Variants in WDPCP observed in about 807,000 individuals in gnomAD.
WDPCP encodes WD repeat-containing and planar cell polarity effector protein fritz homolog.
Under a neutral mutation model 93.1 loss-of-function variants are expected in WDPCP, and 71 were observed. The ratio of observed to expected loss-of-function variants is 0.76; its 90% CI spans 0.63 to 0.93. The LOEUF (loss-of-function observed/expected upper bound fraction) is 0.93. WDPCP is among the 40% of genes least tolerant of loss of function. The pLI, the probability that WDPCP is intolerant of heterozygous loss-of-function variation, is 0.00. For missense variants in WDPCP, 844 were observed against 887.4 expected (o/e 0.95, Z 0.62); for synonymous variants, 315 against 315.0 (o/e 1.00, Z 0.00).
intron 13 of WDPCP, among the ~76,000 whole-genome samples, chr2:63,304,120 GCAATCCCACAACT>G (rs1487972622): frequency 2.0e-5 from 3 of 152,110 alleles, no homozygotes; most frequent in African/African-American, 7.2e-5. Flanking sequence ...ATTCAACCCA[GCAATCCCACAACT>G]GGGCATCTAC....
intron 17 of WDPCP, among the ~76,000 whole-genome samples, chr2:63,140,471 G>A (rs187788387): frequency 2.6e-5 from 4 of 151,888 alleles, no homozygotes; most frequent in African/African-American, 7.2e-5. Flanking sequence ...GTTTGTTTGC[G>A]TCATCTATGA....
intron 12 of WDPCP, among the ~76,000 whole-genome samples, chr2:63,359,409 T>C (rs1289427969): frequency 6.6e-6 from 1 of 152,166 alleles, no homozygotes; most frequent in Non-Finnish European, 1.5e-5. Context: ...CATAAGTACA[T>C]GAAAAGATGT....
chr2:63,743,439 T>G (rs921483238), intron 2 of WDPCP, among the ~76,000 whole-genome samples: 1 of 152,152 alleles, frequency 6.6e-6, no homozygotes, highest in Non-Finnish European at 1.5e-5. Context: ...GAATAGCTTG[T>G]GACATTATCT....
intron 2 of WDPCP, among the ~76,000 whole-genome samples, chr2:63,747,811 A>G (rs1205252170): frequency 1.3e-5 from 2 of 152,124 alleles, no homozygotes; most frequent in African/African-American, 4.8e-5. Context: ...CTTTTTAAAC[A>G]AAATCTATCA....
intron 13 of WDPCP, among the ~76,000 whole-genome samples, chr2:63,276,388 G>C (rs1047562017): frequency 1.3e-5 from 2 of 152,130 alleles, no homozygotes; most frequent in Non-Finnish European, 2.9e-5. Flanking sequence ...AATCTGAATT[G>C]CCAGAAAAAG....
chr2:63,539,004 T>C (rs980249960), intron 1 of WDPCP, among the ~76,000 whole-genome samples: 7 of 152,320 alleles, frequency 4.6e-5, no homozygotes, highest in South Asian at 4.1e-4. Context: ...TCTCAGACTT[T>C]TCTCAATTTT....
chr2:63,741,175 T>C (rs1272697842), intron 2 of WDPCP, among the ~76,000 whole-genome samples: 1 of 152,192 alleles, frequency 6.6e-6, no homozygotes, highest in Non-Finnish European at 1.5e-5. Context: ...ATTTCTGATA[T>C]TGTGCAATGT....
intron 13 of WDPCP, among the ~76,000 whole-genome samples, chr2:63,309,889 C>T (rs1183314756): frequency 6.6e-6 from 1 of 152,082 alleles, no homozygotes; most frequent in African/African-American, 2.4e-5. Flanking sequence ...TAGAAAATTT[C>T]CCTTAGAGAC....
chr2:63,333,774 C>T (rs1239070704), intron 12 of WDPCP, among the ~76,000 whole-genome samples: 8 of 152,200 alleles, frequency 5.3e-5, no homozygotes, highest in Non-Finnish European at 1.0e-4. Flanking sequence ...ACTTTGGGCA[C>T]ATGTCCTCAG....
At chr2:63,840,146 T>A in the WDPCP span, among the ~76,000 whole-genome samples, 1 of 152,238 alleles carries the variant, frequency 6.6e-6, no homozygotes, top group Non-Finnish European at 1.5e-5. Flanking sequence ...TCTGCCCTGG[T>A]GCGGGCTATT....
intron 13 of WDPCP, among the ~76,000 whole-genome samples, chr2:63,294,683 T>C (rs1380795664): frequency 6.6e-6 from 1 of 151,526 alleles, no homozygotes; most frequent in East Asian, 1.9e-4. Flanking sequence ...TGCAAGGGAG[T>C]CCTGTAGGGT....
At chr2:63,758,087 G>C (rs969851319) in intron 2 of WDPCP, among the ~76,000 whole-genome samples, 1 of 149,478 alleles carries the variant, frequency 6.7e-6, no homozygotes, top group Non-Finnish European at 1.5e-5. Context: ...GAGATAAAGT[G>C]TTGTTGGTTT....
At chr2:63,282,778 G>A (rs1264324804) in intron 13 of WDPCP, among the ~76,000 whole-genome samples, 1 of 151,908 alleles carries the variant, frequency 6.6e-6, no homozygotes, top group Non-Finnish European at 1.5e-5. Flanking sequence ...ATTAATGAGG[G>A]ATTTGTCTCA....
chr2:63,145,229 T>C (rs1029917776), intron 17 of WDPCP, among the ~76,000 whole-genome samples: 3 of 152,128 alleles, frequency 2.0e-5, no homozygotes, highest in African/African-American at 4.8e-5. Context: ...TTTGGGCTGG[T>C]TGGACTCTTG....
At chr2:63,275,166 C>T (rs1049515867) in intron 13 of WDPCP, among the ~76,000 whole-genome samples, 14 of 152,022 alleles carry the variant, frequency 9.2e-5, no homozygotes, top group African/African-American at 2.4e-4. Flanking sequence ...ATAGGCAAAT[C>T]GATAAAAAAC....
Position 63,614,580 on chromosome 2 carries a change from T to C in WDPCP, n.488+36079A>G, listed in dbSNP as rs1312758259. ...AAAGTCTCTCTCTGACCTTCTCTTA[T>C]CCTCTTGTCTCCCATCCTTTTTCCT... On this transcript the variant is annotated intron_variant and non_coding_transcript_variant, in intron 3 of 4. Coordinates refer to the WDPCP transcript ENST00000467687. 2.0e-5 allele frequency among the ~76,000 whole-genome samples: 3 copies of C among 152,154 alleles called. No homozygotes were observed. The East Asian group carries it at 5.8e-4, about 29-fold the overall frequency.
rs201048386 is a variant in WDPCP at position 63,187,984 on chromosome 2, A to AT, written c.1916-13153dup. ...TTGCTGGATACAGTATTCTTAGTTGATTTTTTTTTCTTTTAGCACTTTAAT... is the reference window on the plus strand; with the variant it reads ...TTGCTGGATACAGTATTCTTAGTTGATTTTTTTTTTCTTTTAGCACTTTAAT... On this transcript the variant is annotated intron_variant, in intron 14 of 17. Coordinates refer to ENST00000272321, the MANE Select transcript of WDPCP (RefSeq NM_015910.7). Among the ~76,000 whole-genome samples, 1,319 of 151,310 alleles carry AT rather than the reference A, an allele frequency of 8.7e-3. 18 individuals carry two copies. The highest frequency in any genetic ancestry group is 0.029 in the African/African-American group (1,205 of 41,230).
chr2:63,535,579 C>T (rs1331510659), intron 1 of WDPCP, among the ~76,000 whole-genome samples: 6 of 152,128 alleles, frequency 3.9e-5, no homozygotes, highest in Non-Finnish European at 7.4e-5. Context: ...CATCTGATCT[C>T]TGACAAACCT....
At chr2:63,739,730 G>A (rs919718176) in intron 2 of WDPCP, among the ~76,000 whole-genome samples, 1 of 151,924 alleles carries the variant, frequency 6.6e-6, no homozygotes, top group Non-Finnish European at 1.5e-5. Context: ...TGACAACCTT[G>A]CCAGTATCTG....
Sources: gnomAD v4.1 joint callset for allele counts (sites outside exome capture counted in the v4.1 genomes callset) on GRCh38, gnomAD v4.1.1 for gene constraint, MANE v1.5 for transcripts, NCBI Gene and HGNC (gene_info 2026-07-23, HGNC 2026-07-21) for gene names.